OCRL: variants seen among roughly 807,000 people sequenced by gnomAD.
OCRL encodes OCRL inositol polyphosphate-5-phosphatase.
In OCRL, 8 loss-of-function variants were observed where a neutral mutation model predicts 78.9. The observed-to-expected ratio is 0.10, with a 90% CI of 0.06 to 0.18. The LOEUF is 0.18. Ranked by LOEUF, OCRL falls within the 10% of genes least tolerant of loss-of-function variation. The pLI is 1.00. For synonymous variants in OCRL, 240 were observed against 235.4 expected (o/e 1.02, Z -0.18); for missense variants, 454 against 696.7 (o/e 0.65, Z 3.92).
intron 12 of OCRL, 107 bp from the exon 13 acceptor site, chrX:129,565,665 G>A: frequency 1.7e-6 from 1 of 594,811 alleles, no homozygotes; most frequent in Non-Finnish European, 2.9e-6. Flanking sequence ...GTGAGATAGT[G>A]GTGAGTGAGC....
intron 15 of OCRL, among the ~76,000 whole-genome samples, chrX:129,573,647 C>T (rs990336451): frequency 2.7e-5 from 3 of 111,591 alleles, no homozygotes; most frequent in African/African-American, 6.5e-5. Context: ...CTCCGCCTCC[C>T]GGGCTCAAGG....
rs757303501 is a variant in OCRL, at chrX:129,567,256, A to C, written c.1359A>C (p.Leu453=). 15 of 1,181,571 alleles carry C rather than the reference A, an allele frequency of 1.3e-5. No individual in the cohort carries two copies. The highest frequency in any genetic ancestry group is 1.7e-5 in the Non-Finnish European group (15 of 868,894). The change falls in exon 14 of 24, where the codon CTA becomes CTC. Residue 453 remains leucine (L), a splice_region_variant and synonymous_variant. Coordinates refer to ENST00000371113, the MANE Select transcript of OCRL (RefSeq NM_000276.4). ...TTGATGCTTCTTTCTATCTGTAGCTAAATATTCAGCGCACACAGAAAAAAG... is the reference window on the plus strand; with the variant it reads ...TTGATGCTTCTTTCTATCTGTAGCTCAATATTCAGCGCACACAGAAAAAAG... ...DLQRLLKFDQ[L]NIQRTQKKAF...
intron 8 of OCRL, among the ~76,000 whole-genome samples, chrX:129,560,101 C>T (rs1252415237): frequency 8.9e-6 from 1 of 112,173 alleles, no homozygotes; most frequent in African/African-American, 3.2e-5. Flanking sequence ...ATGTCTGCCT[C>T]ATCAGAATTT....
intron 4 of OCRL, among the ~76,000 whole-genome samples, chrX:129,553,847 A>G (rs745307136): frequency 1.8e-5 from 2 of 111,304 alleles, no homozygotes; most frequent in Non-Finnish European, 3.8e-5. Flanking sequence ...GTTGCTTCCT[A>G]TGATAGAGGA....
intron 12 of OCRL, among the ~76,000 whole-genome samples, chrX:129,564,861 T>C (rs1936195811): frequency 9.0e-6 from 1 of 111,199 alleles, no homozygotes; most frequent in Non-Finnish European, 1.9e-5. Flanking sequence ...CCCTAAAACT[T>C]ATAATAATAA....
chrX:129,569,840 CTT>C (rs139960777), intron 15 of OCRL, among the ~76,000 whole-genome samples: 3 of 83,828 alleles, frequency 3.6e-5, no homozygotes, highest in Admixed American at 1.3e-4. Context: ...CTTATTTTTT[CTT>C]TTTTTTTTTT....
intron 4 of OCRL, among the ~76,000 whole-genome samples, chrX:129,556,481 G>A (rs1790943489): frequency 8.9e-6 from 1 of 111,923 alleles, no homozygotes; most frequent in Non-Finnish European, 1.9e-5. Flanking sequence ...GGAGCTTGTA[G>A]TTTCCAGAGG....
intron 4 of OCRL, among the ~76,000 whole-genome samples, chrX:129,552,377 C>T (rs1413875538): frequency 9.0e-6 from 1 of 111,692 alleles, no homozygotes; most frequent in Non-Finnish European, 1.9e-5. Context: ...GAGTTTTCCT[C>T]AAGGGGGAAG....
chrX:129,583,210 T>C (rs956596131), intron 18 of OCRL, among the ~76,000 whole-genome samples: 3 of 112,134 alleles, frequency 2.7e-5, no homozygotes, highest in African/African-American at 9.7e-5. Context: ...CGAAGATTTG[T>C]ACCCAAGCCT....
At chrX:129,566,302 A>G (rs1936215802) in intron 13 of OCRL, among the ~76,000 whole-genome samples, 1 of 111,789 alleles carries the variant, frequency 8.9e-6, no homozygotes, top group African/African-American at 3.3e-5. Flanking sequence ...GAGGTAAAAG[A>G]GGGAGGCCCT....
intron 3 of OCRL, among the ~76,000 whole-genome samples, 190 bp from the exon 4 acceptor site, chrX:129,548,373 G>T (rs1313005827): frequency 8.9e-6 from 1 of 111,786 alleles, no homozygotes; most frequent in African/African-American, 3.3e-5. Flanking sequence ...TTTGCTCATA[G>T]TCTTTAGAAC....
chrX:129,575,174 TC>T lies in OCRL; in HGVS notation c.1638del (p.Phe547LeufsTer19). 1 of 1,209,190 alleles carries T rather than the reference TC, an allele frequency of 8.3e-7. No individual in the cohort carries two copies. The highest frequency in any genetic ancestry group is 1.1e-6 in the Non-Finnish European group (1 of 893,049). On this transcript the variant is annotated frameshift_variant, in exon 16 of 24. Transcript: ENST00000371113. LOFTEE classifies it high-confidence loss of function. ...KVVDERRYRK[V>X]FEDSVRIMDR... ...GTGGATGAACGAAGGTACCGGAAAG[TC>T]TTTGAAGATAGTGTACGCATCATGG...
chrX:129,546,850 C>T (rs945641103), intron 3 of OCRL, among the ~76,000 whole-genome samples: 63 of 111,572 alleles, frequency 5.6e-4, no homozygotes, highest in Non-Finnish European at 1.3e-4. Context: ...ACACATGTAA[C>T]GTAGTTCCCC....
At chrX:129,549,746 C>T (rs1295401196) in intron 4 of OCRL, 1 of 112,194 alleles carries the variant, frequency 8.9e-6, no homozygotes, top group Non-Finnish European at 1.9e-5. Context: ...TGGAAATGTC[C>T]TGTATTTGAT....
At chrX:129,567,832 A>G (rs1031859127) in intron 14 of OCRL, among the ~76,000 whole-genome samples, 2 of 111,934 alleles carry the variant, frequency 1.8e-5, no homozygotes, top group Non-Finnish European at 3.8e-5. Context: ...GAGAACTTCA[A>G]AAAATACTGA....
chrX:129,589,562 A>C (rs1032388400), intron 22 of OCRL: 3 of 368,921 alleles, frequency 8.1e-6, no homozygotes, highest in Non-Finnish European at 1.4e-5. Flanking sequence ...GGAAAAGAAC[A>C]GATGAACACT....
At chrX:129,546,855 T>A (rs1355834946) in intron 3 of OCRL, among the ~76,000 whole-genome samples, 1 of 111,648 alleles carries the variant, frequency 9.0e-6, no homozygotes, top group African/African-American at 3.3e-5. Flanking sequence ...TGTAACGTAG[T>A]TCCCCATGAC....
chrX:129,587,384 C>A (rs1341662911), intron 20 of OCRL, among the ~76,000 whole-genome samples: 3 of 111,075 alleles, frequency 2.7e-5, no homozygotes, highest in Non-Finnish European at 3.8e-5. Flanking sequence ...CTCCTGGCTA[C>A]CCTCTCATTT....
chrX:129,582,005 C>G (rs998540598), intron 18 of OCRL, among the ~76,000 whole-genome samples: 1 of 107,646 alleles, frequency 9.3e-6, no homozygotes, highest in Non-Finnish European at 1.9e-5. Flanking sequence ...AATCCAAATG[C>G]CTTAATCTGT....
Sources: allele counts gnomAD v4.1 joint callset (sites outside exome capture counted in the v4.1 genomes callset), GRCh38; gene constraint gnomAD v4.1.1; transcripts MANE v1.5; gene names NCBI Gene and HGNC (gene_info 2026-07-23, HGNC 2026-07-21).